VAV2: variants seen among roughly 807,000 people sequenced by gnomAD.
VAV2 encodes the protein vav guanine nucleotide exchange factor 2.
In VAV2, 67 loss-of-function variants were observed where a neutral mutation model predicts 132.5. The ratio of observed to expected loss-of-function variants is 0.51; its 90% CI spans 0.42 to 0.62. The LOEUF is 0.62. Among genes scored for constraint, VAV2 ranks in the 20% least tolerant of loss-of-function variants. The probability of loss-of-function intolerance (pLI) is 0.00; values close to 1 mark genes in which losing one functional copy is unlikely to be tolerated. For missense variants in VAV2, 938 were observed against 1,153.6 expected, an observed-to-expected ratio of 0.81 and a Z score of 2.71; for synonymous variants, 492 against 443.5, an observed-to-expected ratio of 1.11 and a Z score of -1.37.
At chr9:133,948,484 C>T (rs553663175) in intron 1 of VAV2, among the ~76,000 whole-genome samples, 6 of 152,250 alleles carry the variant, frequency 3.9e-5, no homozygotes, top group South Asian at 2.1e-4. Flanking sequence ...CAGGGGCAGG[C>T]GACTGGCAGA....
intron 10 of VAV2, among the ~76,000 whole-genome samples, 161 bp downstream of exon 10, chr9:133,797,549 C>T (rs985167544): frequency 6.6e-6 from 1 of 152,216 alleles, no homozygotes; most frequent in Admixed American, 6.5e-5. Context: ...CCCAACCCAA[C>T]ACAATGCAAA....
chr9:133,886,315 C>A (rs566005548), intron 2 of VAV2, among the ~76,000 whole-genome samples: 6 of 152,336 alleles, frequency 3.9e-5, no homozygotes, highest in Admixed American at 3.9e-4. Flanking sequence ...ACAAAGCCTC[C>A]ATCCTGGAGG....
intron 2 of VAV2, among the ~76,000 whole-genome samples, chr9:133,893,502 C>T (rs763746838): frequency 1.1e-4 from 16 of 152,204 alleles, no homozygotes; most frequent in East Asian, 1.9e-4. Flanking sequence ...CTACCAGGGG[C>T]GAGCCCTCCC....
chr9:133,777,267 G>A, intron 23 of VAV2, 122 bp downstream of exon 23: 1 of 957,910 alleles, frequency 1.0e-6, no homozygotes, highest in African/African-American at 1.6e-5. Context: ...GCAGCTCACA[G>A]CAGCCTAAAT....
chr9:133,915,951 C>T (rs1270156814), intron 2 of VAV2, among the ~76,000 whole-genome samples: 3 of 138,008 alleles, frequency 2.2e-5, no homozygotes, highest in Admixed American at 7.4e-5. Context: ...CATGTACACA[C>T]GATGCACACA....
chr9:133,896,535 T>C (rs1194147472), intron 2 of VAV2, among the ~76,000 whole-genome samples: 1 of 152,178 alleles, frequency 6.6e-6, no homozygotes, highest in Non-Finnish European at 1.5e-5. Context: ...CGACAGCCAC[T>C]CTCGCAGCGT....
At chr9:133,791,762 T>G in intron 13 of VAV2, 21 bp downstream of exon 13, 1 of 1,608,278 alleles carries the variant, frequency 6.2e-7, no homozygotes, top group Non-Finnish European at 8.5e-7. Flanking sequence ...TTCCCTAGCC[T>G]GAAGAGTCAG....
At chr9:133,981,147 T>C (rs1842681226) in intron 1 of VAV2, among the ~76,000 whole-genome samples, 1 of 152,196 alleles carries the variant, frequency 6.6e-6, no homozygotes, top group Non-Finnish European at 1.5e-5. Context: ...GCGTCCCGTG[T>C]TGCCAGCAGG....
intron 1 of VAV2, among the ~76,000 whole-genome samples, chr9:133,974,229 G>A (rs533738233): frequency 3.9e-5 from 6 of 152,104 alleles, no homozygotes; most frequent in Admixed American, 6.5e-5. Flanking sequence ...CTGTCTGCCC[G>A]GAGCCAGGCA....
intron 1 of VAV2, among the ~76,000 whole-genome samples, chr9:133,989,561 G>T (rs2810470): frequency 3.5e-5 from 5 of 144,478 alleles, no homozygotes; most frequent in Non-Finnish European, 7.6e-5. Context: ...GGAGCGTGCC[G>T]GTAGTCCCAG....
chr9:133,769,352 G>A lies in VAV2; in HGVS notation c.2434+65C>T, dbSNP rs368569011. 158 of 1,513,430 alleles carry A rather than the reference G, an allele frequency of 1.0e-4. No individual in the cohort carries two copies. In the East Asian group the frequency reaches 1.7e-3, roughly 16 times the overall value. The allele number at this position is 1,513,430 out of a possible 1,614,324, so 93.8% of individuals were successfully genotyped here. A position where few individuals can be genotyped will look rare whatever the true frequency, so the allele number is the denominator to read the frequency against. On this transcript the variant is annotated intron_variant, in intron 28 of 29. Transcript: ENST00000371850. This position sits in a 1 kb window ranked among gnomAD's most constrained non-coding sequence, Gnocchi z 8.1. The stretch of plus-strand genomic sequence containing the variant: ...GGCTGTGGGGCCAGTGGGCAGCTCC[G>A]TGCTGGGTCTCCCAAGGCAGCTGCC...
In VAV2 at chr9:133,890,988, C is replaced by G. The variant is rs550153902; in HGVS notation, c.322-29556G>C. ...CTGATAAACAAAAATACTTTAAGGT[C>G]TTCTAATATCTATTTGGGCATTTTC... On this transcript the variant is annotated intron_variant, in intron 2 of 29. Coordinates refer to ENST00000371850, the MANE Select transcript of VAV2 (RefSeq NM_001134398.2). Among the ~76,000 whole-genome samples the G allele has an allele frequency of 2.6e-5, 4 of 152,096 alleles. No individual in the cohort carries two copies. The South Asian group carries it at 6.2e-4, about 24-fold the overall frequency.
At chr9:133,958,245 T>G (rs1841852835) in intron 1 of VAV2, among the ~76,000 whole-genome samples, 1 of 124,434 alleles carries the variant, frequency 8.0e-6, no homozygotes, top group Non-Finnish European at 1.8e-5. Context: ...CCTCTTGCAG[T>G]TGAGACAAGA....
At chr9:133,914,809 A>AAGG (rs1840014052) in intron 2 of VAV2, among the ~76,000 whole-genome samples, 2 of 1,242 alleles carry the variant, frequency 1.6e-3, no homozygotes, top group African/African-American at 8.0e-3. Context: ...AGGGGAAGGG[A>AAGG]GAAGGGGAGG....
Position 133,937,515 on chromosome 9 carries a change from T to TGC in VAV2, c.321+1586_321+1587dup, listed in dbSNP as rs1200551215. On this transcript the variant is annotated intron_variant, in intron 2 of 29. Transcript: ENST00000371850. ...AAGAGTGTGTGCGTGTGAGTGTGTGTGCGCGTGTGAGAGTGTGTGTGAGAG... is the reference window on the plus strand; with the variant it reads ...AAGAGTGTGTGCGTGTGAGTGTGTGTGCGCGCGTGTGAGAGTGTGTGTGAGAG... Among the ~76,000 whole-genome samples the TGC allele has an allele frequency of 1.3e-4, 18 of 139,144 alleles. 1 individual carries two copies. Among genetic ancestry groups the TGC allele is most frequent in the South Asian group, 2.4e-4 (1 of 4,110 alleles). 91.3% of individuals were successfully genotyped at this position (139,144 alleles called of 152,430 possible).
chr9:133,949,047 C>T (rs372693761), intron 1 of VAV2, among the ~76,000 whole-genome samples: 1 of 152,208 alleles, frequency 6.6e-6, no homozygotes, highest in African/African-American at 2.4e-5. Flanking sequence ...CGGTGGGTGC[C>T]TCTCCATCCC....
chr9:133,862,696 G>A (rs1193578545), intron 2 of VAV2, among the ~76,000 whole-genome samples: 3 of 152,208 alleles, frequency 2.0e-5, no homozygotes, highest in African/African-American at 4.8e-5. Context: ...CCCAGAGGGC[G>A]CTCTGTGTGC....
chr9:133,897,567 A>G (rs1839262096), intron 2 of VAV2, among the ~76,000 whole-genome samples: 2 of 152,136 alleles, frequency 1.3e-5, no homozygotes, highest in Middle Eastern at 3.2e-3. Flanking sequence ...AGCTTCATCC[A>G]TGGTGGTCAA....
intron 2 of VAV2, among the ~76,000 whole-genome samples, chr9:133,866,831 T>C (rs934642550): frequency 3.4e-5 from 5 of 148,960 alleles, no homozygotes; most frequent in Non-Finnish European, 5.9e-5. Flanking sequence ...AAGAGGAGCC[T>C]GCCAATTTTG....
Sources: gnomAD v4.1 joint callset for allele counts (sites outside exome capture counted in the v4.1 genomes callset) on GRCh38, gnomAD v4.1.1 for gene constraint, Gnocchi (gnomAD v3.1) non-coding constraint, MANE v1.5 for transcripts, NCBI Gene and HGNC (gene_info 2026-07-23, HGNC 2026-07-21) for gene names.